Variants in GADD45B observed in about 807,000 individuals in gnomAD.
GADD45B encodes the protein growth arrest and DNA damage inducible beta.
GADD45B carries 8 observed loss-of-function variants against 15.2 expected under a neutral mutation model. That is an observed-to-expected ratio of 0.53 (90% CI 0.31 to 0.95). The LOEUF (loss-of-function observed/expected upper bound fraction) is 0.95. Ranked by LOEUF, GADD45B falls within the 40% of genes least tolerant of loss-of-function variation. The pLI is 0.05. For synonymous variants in GADD45B, 100 were observed against 89.8 expected (o/e 1.11, Z -0.64); for missense variants, 162 against 216.6 (o/e 0.75, Z 1.58).
At chr19:2,476,803 G>A in intron 2 of GADD45B, 173 bp downstream of exon 2, 1 of 612,882 alleles carries the variant, frequency 1.6e-6, no homozygotes, top group Non-Finnish European at 2.9e-6. Flanking sequence ...GTATCCTGAT[G>A]TATCGTCTGC....
At position 2,477,997 on chromosome 19, in the gene GADD45B, CTG is replaced by C. The variant is rs1972344296; in HGVS notation, c.*397_*398del. ...ACTGCAAGCCCCACCCTCCTTGAGA[CTG>C]GAGCTGGCGTCTGCATACGAGAGAC... On this transcript the variant is annotated 3_prime_UTR_variant, in exon 4 of 4. Transcript: ENST00000215631. The surrounding 1 kb of genome is among the most constrained non-coding windows in gnomAD (Gnocchi z 4.2). 6.0e-6 allele frequency: 1 copy of C among 165,806 alleles called. No individual in the cohort carries two copies. Among genetic ancestry groups the C allele is most frequent in the Non-Finnish European group, 1.3e-5 (1 of 74,816 alleles). The allele number at this position is 165,806 out of a possible 1,614,324, so 10.3% of individuals were successfully genotyped here. A position where few individuals can be genotyped will look rare whatever the true frequency, so the allele number is the denominator to read the frequency against.
At position 2,477,591 on chromosome 19, in the gene GADD45B, AG is replaced by A; in HGVS notation, c.475del (p.Glu159AsnfsTer12). On this transcript the variant is annotated frameshift_variant, in exon 4 of 4. Transcript: ENST00000215631. LOFTEE classifies it high-confidence loss of function. This position sits in a 1 kb window ranked among gnomAD's most constrained non-coding sequence, Gnocchi z 4.2. Reference sequence around the variant, plus strand: ...CAGTGGGTCCCCTACATCTCTCTTCAGGAACGCTGAGGCCCTTCCCAGCAGC... The same window carrying A: ...CAGTGGGTCCCCTACATCTCTCTTCAGAACGCTGAGGCCCTTCCCAGCAGC... ...NNQWVPYISL[Q>X]ER is the part of the protein sequence containing the mutation. The A allele has an allele frequency of 6.3e-7, 1 of 1,575,084 alleles. No individual in the cohort carries two copies. Among genetic ancestry groups the A allele is most frequent in the Non-Finnish European group, 8.7e-7 (1 of 1,144,702 alleles).
At position 2,476,389 on chromosome 19, in the gene GADD45B, A is replaced by G. The variant is rs182618566; in HGVS notation, c.31A>G (p.Asn11Asp). The change falls in exon 1 of 4, where the codon AAC (asparagine) becomes GAC (aspartate). Residue 11 changes from asparagine (N) to aspartate (D), a missense_variant. Physicochemically the swap from Asn to Asp is conservative, Grantham distance 23. Transcript: ENST00000215631. MTLEELVACD[N>D]AAQKMQTVTA... ...GCTGGAAGAGCTCGTGGCGTGCGAC[A>G]ACGCGGCGCAGAAGTAAGTAGCCGG... 101 of 1,613,606 alleles carry G rather than the reference A, an allele frequency of 6.3e-5. 2 individuals are homozygous for G. In the Middle Eastern group the frequency reaches 1.2e-3, roughly 18 times the overall value.
At position 2,477,145 on chromosome 19, in the gene GADD45B, A is replaced by T; in HGVS notation, c.263A>T (p.Asn88Ile). 6.2e-7 allele frequency: 1 copy of T among 1,613,606 alleles called. No individual in the cohort carries two copies. Among genetic ancestry groups the T allele is most frequent in the South Asian group, 1.1e-5 (1 of 91,068 alleles). Residue 88 changes from asparagine to isoleucine, a missense_variant, in exon 3 of 4, where the codon AAC (asparagine) becomes ATC (isoleucine). Physicochemically the swap from Asn to Ile is moderately radical, Grantham distance 149. Coordinates refer to ENST00000215631, the MANE Select transcript of GADD45B (RefSeq NM_015675.4). This position sits in a 1 kb window ranked among gnomAD's most constrained non-coding sequence, Gnocchi z 4.2. ...IQSFCCDNDINIVRVSGMQRL... is the reference protein window; with the variant it reads ...IQSFCCDNDIIIVRVSGMQRL... ...TCCTTCTGCTGTGACAACGACATCAACATCGTGCGGGTGTCGGGCATGCAG... is the reference window on the plus strand; with the variant it reads ...TCCTTCTGCTGTGACAACGACATCATCATCGTGCGGGTGTCGGGCATGCAG...
Position 2,477,390 on chromosome 19 carries a change from T to G in GADD45B, c.370-98T>G, listed in dbSNP as rs1431948652. ...TCCCGTGGGCAGCCGGGCTGGGGCC[T>G]CCTCACCCAGGAAGCTATTTTGAGC... On this transcript the variant is annotated intron_variant, in intron 3 of 3. Coordinates refer to ENST00000215631, the MANE Select transcript of GADD45B (RefSeq NM_015675.4). This position sits in a 1 kb window ranked among gnomAD's most constrained non-coding sequence, Gnocchi z 4.2. 2.0e-6 allele frequency: 2 copies of G among 1,025,306 alleles called. No individual in the cohort carries two copies. Among genetic ancestry groups the G allele is most frequent in the East Asian group, 5.2e-5 (2 of 38,796 alleles). 63.5% of individuals were successfully genotyped at this position (1,025,306 alleles called of 1,614,324 possible). A position where few individuals can be genotyped will look rare whatever the true frequency, so the allele number is the denominator to read the frequency against.
In GADD45B at chr19:2,476,349, T is replaced by C; in HGVS notation, c.-10T>C. On this transcript the variant is annotated 5_prime_UTR_variant, in exon 1 of 4. Transcript: ENST00000215631. ...GTGGAGCCGCATCCACTGTGGATTATAATTGCAACATGACGCTGGAAGAGC... is the reference window on the plus strand; with the variant it reads ...GTGGAGCCGCATCCACTGTGGATTACAATTGCAACATGACGCTGGAAGAGC... 1 of 1,613,816 alleles carries C rather than the reference T, an allele frequency of 6.2e-7. No individual in the cohort carries two copies.
In GADD45B at chr19:2,476,303, A is replaced by G; in HGVS notation, c.-56A>G. 6.3e-7 allele frequency: 1 copy of G among 1,583,984 alleles called. No individual in the cohort carries two copies. Among genetic ancestry groups the G allele is most frequent in the Non-Finnish European group, 8.7e-7 (1 of 1,153,114 alleles). On this transcript the variant is annotated 5_prime_UTR_variant, in exon 1 of 4. Transcript: ENST00000215631. Reference sequence around the variant, plus strand: ...TTGGGCTCTCTGGCTCGGATTTTGCAATTTCTCCCTGGGGACTGCCGTGGA... The same window carrying G: ...TTGGGCTCTCTGGCTCGGATTTTGCGATTTCTCCCTGGGGACTGCCGTGGA...
rs1203364394 is a variant in GADD45B at position 2,477,894 on chromosome 19, G to A, written c.*293G>A. 4 of 269,662 alleles carry A rather than the reference G, an allele frequency of 1.5e-5. No individual in the cohort carries two copies. The highest frequency in any genetic ancestry group is 2.2e-5 in the Non-Finnish European group (3 of 135,692). 16.7% of individuals were successfully genotyped at this position (269,662 alleles called of 1,614,324 possible). On this transcript the variant is annotated 3_prime_UTR_variant, in exon 4 of 4. Transcript: ENST00000215631. This position sits in a 1 kb window ranked among gnomAD's most constrained non-coding sequence, Gnocchi z 4.2. ...GCTGAGGCCTTGGGATGGAGCAGAA[G>A]CCGGAGTGGCGGGGCACGCTGCCGC...
rs529322356 is a variant in GADD45B at position 2,476,369 on chromosome 19, A to C, written c.11A>C (p.Glu4Ala). MTL[E>A]ELVACDNAAQ... ...GATTATAATTGCAACATGACGCTGG[A>C]AGAGCTCGTGGCGTGCGACAACGCG... Residue 4 changes from glutamate to alanine, a missense_variant, in exon 1 of 4, where the codon GAA becomes GCA. Transcript: ENST00000215631. The C allele has an allele frequency of 6.2e-7, 1 of 1,613,844 alleles. No individual in the cohort carries two copies. The highest frequency in any genetic ancestry group is 1.3e-5 in the African/African-American group (1 of 75,038).
At position 2,477,299 on chromosome 19, in the gene GADD45B, G is replaced by C; in HGVS notation, c.369+48G>C. On this transcript the variant is annotated intron_variant, in intron 3 of 3. Coordinates refer to ENST00000215631, the MANE Select transcript of GADD45B (RefSeq NM_015675.4). This position sits in a 1 kb window ranked among gnomAD's most constrained non-coding sequence, Gnocchi z 4.2. Reference sequence around the variant, plus strand: ...CCCGCCACGCCCGGGCACCTGGGCCGGTGTTTGTCAACAAAGTCGGGCTGA... The same window carrying C: ...CCCGCCACGCCCGGGCACCTGGGCCCGTGTTTGTCAACAAAGTCGGGCTGA... The C allele has an allele frequency of 7.5e-7, 1 of 1,330,816 alleles. No individual in the cohort carries two copies. The highest frequency in any genetic ancestry group is 2.1e-4 in the Middle Eastern group (1 of 4,850). 82.4% of individuals were successfully genotyped at this position (1,330,816 alleles called of 1,614,324 possible).
In GADD45B at chr19:2,477,154, G is replaced by A; in HGVS notation, c.272G>A (p.Arg91Gln). ...FCCDNDINIV[R>Q]VSGMQRLAQL... Reference sequence around the variant, plus strand: ...TGTGACAACGACATCAACATCGTGCGGGTGTCGGGCATGCAGCGCCTGGCG... The same window carrying A: ...TGTGACAACGACATCAACATCGTGCAGGTGTCGGGCATGCAGCGCCTGGCG... Residue 91 changes from arginine to glutamine, a missense_variant, in exon 3 of 4, where the codon CGG becomes CAG. Coordinates refer to ENST00000215631, the MANE Select transcript of GADD45B (RefSeq NM_015675.4). This position sits in a 1 kb window ranked among gnomAD's most constrained non-coding sequence, Gnocchi z 4.2. 6.2e-7 allele frequency: 1 copy of A among 1,613,668 alleles called. No individual in the cohort carries two copies.
chr19:2,476,937 G>T, intron 2 of GADD45B, 92 bp from the exon 3 acceptor site: 3 of 764,414 alleles, frequency 3.9e-6, no homozygotes, highest in South Asian at 1.6e-5. Context: ...TTTCTCTTTT[G>T]CTCTTGCACG....
At position 2,477,687 on chromosome 19, in the gene GADD45B, AC is replaced by A. The variant is rs1245153311; in HGVS notation, c.*93del. 11 of 515,290 alleles carry A rather than the reference AC, an allele frequency of 2.1e-5. No individual in the cohort carries two copies. The highest frequency in any genetic ancestry group is 6.7e-5 in the African/African-American group (3 of 44,760). The allele number at this position is 515,290 out of a possible 1,614,324, so 31.9% of individuals were successfully genotyped here. On this transcript the variant is annotated 3_prime_UTR_variant, in exon 4 of 4. Transcript: ENST00000215631. The surrounding 1 kb of genome is among the most constrained non-coding windows in gnomAD (Gnocchi z 4.2). ...TTTGAACCCCCTCCCCCCCAGCACA[AC>A]CCCCCCAAAACAACCCAACCCACGA...
chr19:2,476,312 C>T lies in GADD45B; in HGVS notation c.-47C>T, dbSNP rs751174448. On this transcript the variant is annotated 5_prime_UTR_variant, in exon 1 of 4. Coordinates refer to ENST00000215631, the MANE Select transcript of GADD45B (RefSeq NM_015675.4). Reference sequence around the variant, plus strand: ...CTGGCTCGGATTTTGCAATTTCTCCCTGGGGACTGCCGTGGAGCCGCATCC... The same window carrying T: ...CTGGCTCGGATTTTGCAATTTCTCCTTGGGGACTGCCGTGGAGCCGCATCC... 1.9e-6 allele frequency: 3 copies of T among 1,602,046 alleles called. No homozygotes were observed. Among genetic ancestry groups the T allele is most frequent in the East Asian group, 2.2e-5 (1 of 44,848 alleles).
chr19:2,476,597 T>C lies in GADD45B; in HGVS notation c.113T>C (p.Val38Ala), dbSNP rs767719964. 6.3e-7 allele frequency: 1 copy of C among 1,596,186 alleles called. No homozygotes were observed. The highest frequency in any genetic ancestry group is 8.6e-7 in the Non-Finnish European group (1 of 1,169,132). ...VAAQRQDRLT[V>A]GVYESAKLMN... ...GCTCAGCGCCAGGATCGCCTCACAG[T>C]GGGGGTGTACGAGTCGGCCAAGTTG... Residue 38 changes from valine (V) to alanine (A), a missense_variant, in exon 2 of 4, where the codon GTG (valine) becomes GCG (alanine). Physicochemically the swap from Val to Ala is moderately conservative, Grantham distance 64. Coordinates refer to ENST00000215631, the MANE Select transcript of GADD45B (RefSeq NM_015675.4).
intron 1 of GADD45B, 40 bp downstream of exon 1, chr19:2,476,442 ACGGGATGGGTCGGGTTGGGCCGGGC>A (rs1469604819): frequency 1.2e-6 from 2 of 1,606,954 alleles, no homozygotes; most frequent in Non-Finnish European, 1.7e-6. Context: ...GTCAGCCGGG[ACGGGATGGGTCGGGTTGGGCCGGGC>A]CGGGAGCGGA....
chr19:2,477,693 C>T lies in GADD45B; in HGVS notation c.*92C>T, dbSNP rs1028038697. On this transcript the variant is annotated 3_prime_UTR_variant, in exon 4 of 4. Coordinates refer to ENST00000215631, the MANE Select transcript of GADD45B (RefSeq NM_015675.4). The surrounding 1 kb of genome is among the most constrained non-coding windows in gnomAD (Gnocchi z 4.2). ...CCCCCTCCCCCCCAGCACAACCCCC[C>T]CAAAACAACCCAACCCACGAGGACC... The T allele has an allele frequency of 5.2e-5, 32 of 613,678 alleles. No individual in the cohort carries two copies. The Admixed American group carries it at 7.6e-4, about 14-fold the overall frequency. The allele number at this position is 613,678 out of a possible 1,614,324, so 38.0% of individuals were successfully genotyped here.
chr19:2,476,702 C>T, intron 2 of GADD45B, 72 bp downstream of exon 2: 1 of 911,954 alleles, frequency 1.1e-6, no homozygotes. Flanking sequence ...ACGCTTTCCG[C>T]ACGCTTGTCT....
At position 2,477,243 on chromosome 19, in the gene GADD45B, C is replaced by T. The variant is rs768786743; in HGVS notation, c.361C>T (p.Leu121=). 6.3e-7 allele frequency: 1 copy of T among 1,576,350 alleles called. No homozygotes were observed. The highest frequency in any genetic ancestry group is 2.2e-5 in the East Asian group (1 of 44,646). Residue 121 remains leucine (L), a synonymous_variant, in exon 3 of 4, where the codon CTG becomes TTG. Coordinates refer to ENST00000215631, the MANE Select transcript of GADD45B (RefSeq NM_015675.4). This position sits in a 1 kb window ranked among gnomAD's most constrained non-coding sequence, Gnocchi z 4.2. ...TTEARDLHCL[L]VTNPHTDAWK... is the part of the protein sequence containing the mutation. ...CGAGGCCCGAGACCTGCATTGTCTCCTGGTCACGGTGAGTCGGGCCTCTGC... is the reference window on the plus strand; with the variant it reads ...CGAGGCCCGAGACCTGCATTGTCTCTTGGTCACGGTGAGTCGGGCCTCTGC...
Sources: gnomAD v4.1 joint callset for allele counts on GRCh38, gnomAD v4.1.1 for gene constraint, Gnocchi (gnomAD v3.1) non-coding constraint, MANE v1.5 for transcripts, NCBI Gene and HGNC (gene_info 2026-07-23, HGNC 2026-07-21) for gene names.